DPP10: variants seen among roughly 807,000 people sequenced by gnomAD.
DPP10 encodes the protein dipeptidyl peptidase like 10, also known as inactive dipeptidyl peptidase 10.
A neutral mutation model predicts 120.9 loss-of-function variants in DPP10; 33 were observed. The ratio of observed to expected loss-of-function variants is 0.27; its 90% CI spans 0.21 to 0.37. The LOEUF (loss-of-function observed/expected upper bound fraction) is 0.37. DPP10 is among the 10% of genes least tolerant of loss of function. The pLI is 1.00. For synonymous variants in DPP10, 337 were observed against 326.1 expected, an observed-to-expected ratio of 1.03 and a Z score of -0.36; for missense variants, 816 against 942.8, an observed-to-expected ratio of 0.87 and a Z score of 1.76.
intron 1 of DPP10, among the ~76,000 whole-genome samples, chr2:115,270,624 G>C (rs374300693): frequency 1.3e-5 from 2 of 152,160 alleles, no homozygotes; most frequent in Non-Finnish European, 2.9e-5. Flanking sequence ...AAATGACCAC[G>C]TGGGGAGAGG....
At chr2:115,472,057 A>G (rs1216198104) in intron 3 of DPP10, among the ~76,000 whole-genome samples, 11 of 152,154 alleles carry the variant, frequency 7.2e-5, no homozygotes, top group Admixed American at 2.6e-4. Flanking sequence ...TTAAAAAAAT[A>G]AAAAAACATT....
chr2:114,677,481 T>C (rs1698745151), intron 1 of DPP10, among the ~76,000 whole-genome samples: 1 of 152,148 alleles, frequency 6.6e-6, no homozygotes, highest in Non-Finnish European at 1.5e-5. Flanking sequence ...TAACTAACAT[T>C]TATTGATCTG....
chr2:115,443,022 C>CT (rs2104888846), intron 3 of DPP10, among the ~76,000 whole-genome samples: 1 of 152,196 alleles, frequency 6.6e-6, no homozygotes, highest in East Asian at 1.9e-4. Context: ...CACATTTGTA[C>CT]TTTTTAAAGT....
intron 1 of DPP10, among the ~76,000 whole-genome samples, chr2:114,551,639 A>G (rs1687894708): frequency 6.6e-6 from 1 of 152,190 alleles, no homozygotes; most frequent in South Asian, 2.1e-4. Context: ...GGTTTGACAC[A>G]GTTTAGAAGA....
At chr2:115,334,246 T>TTTTTTTTTTTTTTTTTTTTG (rs57497365) in intron 2 of DPP10, among the ~76,000 whole-genome samples, 1 of 143,970 alleles carries the variant, frequency 6.9e-6, no homozygotes, top group Admixed American at 7.1e-5. Flanking sequence ...TTTTTTTTTT[T>TTTTTTTTTTTTTTTTTTTTG]AAGAAACCTA....
At chr2:115,475,016 A>G (rs892948350) in intron 3 of DPP10, among the ~76,000 whole-genome samples, 2 of 151,866 alleles carry the variant, frequency 1.3e-5, no homozygotes, top group Non-Finnish European at 2.9e-5. Context: ...CAGCCTAGTC[A>G]TTTGGTAGAA....
intron 5 of DPP10, among the ~76,000 whole-genome samples, chr2:115,570,094 G>A (rs1261054088): frequency 6.6e-6 from 1 of 152,142 alleles, no homozygotes; most frequent in Non-Finnish European, 1.5e-5. Context: ...TTCTGACGTT[G>A]AAAAGTTGCT....
chr2:115,188,065 G>A (rs1338931979), intron 1 of DPP10, among the ~76,000 whole-genome samples: 1 of 150,094 alleles, frequency 6.7e-6, no homozygotes, highest in Non-Finnish European at 1.5e-5. Flanking sequence ...GAGGCAAAGA[G>A]AGAGAGAGAG....
At chr2:115,577,837 T>C (rs985188392) in intron 5 of DPP10, among the ~76,000 whole-genome samples, 3 of 152,178 alleles carry the variant, frequency 2.0e-5, no homozygotes, top group Non-Finnish European at 4.4e-5. Flanking sequence ...GGGCTCACCC[T>C]AATGATTTCA....
At chr2:115,459,175 T>G (rs1218285022) in intron 3 of DPP10, among the ~76,000 whole-genome samples, 1 of 151,874 alleles carries the variant, frequency 6.6e-6, no homozygotes, top group African/African-American at 2.4e-5. Flanking sequence ...TTTTTTTTTT[T>G]AGTCTGGGTC....
At chr2:114,858,134 T>G (rs1427922030) in intron 1 of DPP10, among the ~76,000 whole-genome samples, 1 of 151,992 alleles carries the variant, frequency 6.6e-6, no homozygotes, top group East Asian at 1.9e-4. Flanking sequence ...GGACTACAGA[T>G]GCACGCCGCC....
chr2:114,888,293 G>A (rs1347075265), intron 1 of DPP10, among the ~76,000 whole-genome samples: 2 of 152,134 alleles, frequency 1.3e-5, no homozygotes, highest in Admixed American at 6.5e-5. Context: ...CGCACCAAAT[G>A]TGTTGATTAA....
intron 1 of DPP10, among the ~76,000 whole-genome samples, chr2:114,795,286 C>G (rs1683606077): frequency 6.6e-6 from 1 of 151,264 alleles, no homozygotes. Flanking sequence ...AGTTTGAGAC[C>G]AACCTAGCCA....
intron 5 of DPP10, among the ~76,000 whole-genome samples, chr2:115,570,909 G>A (rs1030686082): frequency 4.6e-5 from 7 of 152,198 alleles, no homozygotes; most frequent in East Asian, 3.9e-4. Flanking sequence ...AGTGATTAAC[G>A]TATTTCACCT....
chr2:115,355,014 C>G (rs975667224), intron 3 of DPP10, among the ~76,000 whole-genome samples: 3 of 152,122 alleles, frequency 2.0e-5, no homozygotes, highest in African/African-American at 7.2e-5. Flanking sequence ...TAAACATACG[C>G]TTGCATGTGT....
At chr2:114,547,048 A>G (rs1687466213) in intron 1 of DPP10, among the ~76,000 whole-genome samples, 1 of 152,208 alleles carries the variant, frequency 6.6e-6, no homozygotes, top group Admixed American at 6.5e-5. Flanking sequence ...TCCCAGCTTC[A>G]TTGCACACAG....
At chr2:114,510,174 A>G (rs950716231) in intron 1 of DPP10, among the ~76,000 whole-genome samples, 1 of 152,258 alleles carries the variant, frequency 6.6e-6, no homozygotes, top group South Asian at 2.1e-4. Context: ...TGAGTGCAGC[A>G]TAAGTTTTAG....
intron 1 of DPP10, among the ~76,000 whole-genome samples, chr2:114,596,263 A>G (rs952258840): frequency 3.3e-5 from 5 of 151,788 alleles, no homozygotes; most frequent in Admixed American, 3.3e-4. Context: ...TATGTATTAC[A>G]TATTTGTCTC....
At chr2:115,371,985 G>C (rs74609024) in intron 3 of DPP10, among the ~76,000 whole-genome samples, 1,569 of 152,218 alleles carry the variant, frequency 0.01, 24 homozygotes, top group African/African-American at 0.037. Context: ...TCCCCTTACA[G>C]TTCTAACAGG....
Sources: gnomAD v4.1 joint callset for allele counts (sites outside exome capture counted in the v4.1 genomes callset) on GRCh38, gnomAD v4.1.1 for gene constraint, MANE v1.5 for transcripts, NCBI Gene and HGNC (gene_info 2026-07-23, HGNC 2026-07-21) for gene names.